Variants in MED22 observed in about 807,000 individuals in gnomAD.
The protein encoded by MED22 is mediator complex subunit 22, also known as mediator of RNA polymerase II transcription subunit 22.
MED22 carries 22 observed loss-of-function variants against 22.7 expected under a neutral mutation model. The ratio of observed to expected loss-of-function variants is 0.97; its 90% confidence interval spans 0.69 to 1.38. The LOEUF is 1.38. MED22 is among the 40% of genes most tolerant of loss of function. MED22 has a pLI of 0.00. For missense variants in MED22, 247 were observed against 263.0 expected (o/e 0.94, Z 0.42); for synonymous variants, 134 against 119.4 (o/e 1.12, Z -0.80).
At position 133,339,063 on chromosome 9, in the gene MED22, T is replaced by C; in HGVS notation, c.*2442A>G. ...AGGCCTTTCAGAAAACATGCAGTTG[T>C]TCCTTTGGCCAAGTATATGCAAATT... On this transcript the variant is annotated 3_prime_UTR_variant, in exon 5 of 5. Transcript: ENST00000343730. 1 of 698,464 alleles carries C rather than the reference T, an allele frequency of 1.4e-6. No individual in the cohort carries two copies. Among genetic ancestry groups the C allele is most frequent in the Non-Finnish European group, 2.6e-6 (1 of 379,022 alleles). 43.3% of individuals were successfully genotyped at this position (698,464 alleles called of 1,614,324 possible).
At chr9:133,343,407 C>T in intron 4 of MED22, 1 of 1,226,460 alleles carries the variant, frequency 8.2e-7, no homozygotes, top group South Asian at 4.2e-5. Flanking sequence ...TCTGATTTCT[C>T]AGGGCCCCTC....
chr9:133,347,751 G>A (rs1836234582), intron 1 of MED22, 171 bp downstream of exon 1: 1 of 163,402 alleles, frequency 6.1e-6, no homozygotes, highest in Admixed American at 6.3e-5. Flanking sequence ...ACGACCGAGC[G>A]GACTCCTGGA....
At position 133,341,574 on chromosome 9, in the gene MED22, A is replaced by C; in HGVS notation, c.534T>G (p.Ala178=). ...CAGGGGCTGCCACCTGTAGGGGGCC[A>C]GCACTGGGCTCCGGGGACGCCAGCA... The part of the protein sequence containing the change: ...APLLASPEPS[A]GPLQVAAPAH... Residue 178 remains alanine (A), a synonymous_variant, in exon 5 of 5, where the codon GCT becomes GCG. Transcript: ENST00000343730. 1 of 1,574,616 alleles carries C rather than the reference A, an allele frequency of 6.4e-7. No individual in the cohort carries two copies.
At chr9:133,343,419 A>T (rs1030276042) in intron 4 of MED22, 13 of 1,226,184 alleles carry the variant, frequency 1.1e-5, no homozygotes, top group Non-Finnish European at 1.3e-5. Flanking sequence ...GGGCCCCTCC[A>T]GCTCAAACGG....
intron 4 of MED22, chr9:133,343,395 ACT>A: frequency 8.1e-7 from 1 of 1,227,204 alleles, no homozygotes; most frequent in Non-Finnish European, 1.0e-6. Flanking sequence ...TGATACGTAG[ACT>A]CTGATTTCTC....
In MED22 at chr9:133,345,092, C is replaced by T. The variant is rs1836140543; in HGVS notation, c.204+80G>A. 7.2e-6 allele frequency: 10 copies of T among 1,391,062 alleles called. No homozygotes were observed. In the South Asian group the frequency reaches 1.0e-4, roughly 15 times the overall value. 86.2% of individuals were successfully genotyped at this position (1,391,062 alleles called of 1,614,324 possible). A position where few individuals can be genotyped will look rare whatever the true frequency, so the allele number is the denominator to read the frequency against. The stretch of plus-strand genomic sequence containing the variant: ...GAAGAAGACCAGACCAGCCCCAGAG[C>T]CCCCTCCACTCCACCCAGGAAACCT... On this transcript the variant is annotated intron_variant, in intron 3 of 4. Transcript: ENST00000343730.
At position 133,339,194 on chromosome 9, in the gene MED22, C is replaced by A; in HGVS notation, c.*2311G>T. 1.4e-6 allele frequency: 1 copy of A among 693,368 alleles called. No individual in the cohort carries two copies. The highest frequency in any genetic ancestry group is 2.9e-5 in the East Asian group (1 of 34,842). The allele number at this position is 693,368 out of a possible 1,614,324, so 43.0% of individuals were successfully genotyped here. ...GACTGGGAGAGTCTACAGTGTTCCC[C>A]AGCATGCTGTTGGCACTGTTGTAAA... On this transcript the variant is annotated 3_prime_UTR_variant, in exon 5 of 5. Coordinates refer to ENST00000343730, the MANE Select transcript of MED22 (RefSeq NM_133640.5).
At chr9:133,344,958 G>A (rs1836137804) in intron 3 of MED22, among the ~76,000 whole-genome samples, 1 of 152,098 alleles carries the variant, frequency 6.6e-6, no homozygotes, top group Non-Finnish European at 1.5e-5. Flanking sequence ...AGTGCCCCAC[G>A]TGAGGACAGT....
In MED22 at chr9:133,345,359, A is replaced by G. The variant is rs1057282379; in HGVS notation, c.124-107T>C. 5.7e-6 allele frequency: 6 copies of G among 1,056,060 alleles called. No homozygotes were observed. In the Admixed American group the frequency reaches 1.2e-4, roughly 21 times the overall value. 65.4% of individuals were successfully genotyped at this position (1,056,060 alleles called of 1,614,324 possible). A position where few individuals can be genotyped will look rare whatever the true frequency, so the allele number is the denominator to read the frequency against. ...ACTGTCATCTACCCAGGATGTCCAC[A>G]CTGGCCACAACCTGTCTGTGGTGCC... is the stretch of plus-strand genomic sequence containing the variant. On this transcript the variant is annotated intron_variant, in intron 2 of 4. Coordinates refer to ENST00000343730, the MANE Select transcript of MED22 (RefSeq NM_133640.5).
intron 2 of MED22, among the ~76,000 whole-genome samples, chr9:133,345,814 G>C (rs782633665): frequency 5.3e-5 from 8 of 152,140 alleles, no homozygotes; most frequent in Admixed American, 5.2e-4. Flanking sequence ...GGCTCAGTTC[G>C]GGGTGGGTGT....
At chr9:133,347,015 C>A in intron 1 of MED22, 1 of 225,682 alleles carries the variant, frequency 4.4e-6, no homozygotes, top group Non-Finnish European at 8.9e-6. Context: ...ACCAGCTCCC[C>A]GTCCCCAGCC....
chr9:133,344,136 A>G lies in MED22; in HGVS notation c.402T>C (p.Tyr134=). 6.2e-7 allele frequency: 1 copy of G among 1,614,088 alleles called. No individual in the cohort carries two copies. The highest frequency in any genetic ancestry group is 8.5e-7 in the Non-Finnish European group (1 of 1,180,000). ...SIDLYELEEE[Y]YSSSSSLCEA... ...AGCGCTATTTATACCTGGACGAGTA[A>G]TACTCCTCCTCCAGCTCGTAGAGGT... Residue 134 remains tyrosine, a synonymous_variant, in exon 4 of 5, where the codon TAT becomes TAC. Coordinates refer to ENST00000343730, the MANE Select transcript of MED22 (RefSeq NM_133640.5).
At position 133,341,550 on chromosome 9, in the gene MED22, A is replaced by G; in HGVS notation, c.558T>C (p.Pro186=). ...PSAGPLQVAA[P]AHSHAGGPGP... ...CAGGGCCACCAGCATGGGAGTGGGC[A>G]GGGGCTGCCACCTGTAGGGGGCCAG... The change falls in exon 5 of 5, where the codon CCT becomes CCC. Residue 186 remains proline, a synonymous_variant. Transcript: ENST00000343730. The G allele has an allele frequency of 6.4e-7, 1 of 1,552,880 alleles. No individual in the cohort carries two copies. The highest frequency in any genetic ancestry group is 8.6e-7 in the Non-Finnish European group (1 of 1,158,322).
At position 133,346,585 on chromosome 9, in the gene MED22, A is replaced by G. The variant is rs2129968901; in HGVS notation, c.78T>C (p.Ile26=). 4 of 1,612,394 alleles carry G rather than the reference A, an allele frequency of 2.5e-6. No individual in the cohort carries two copies. In the East Asian group the frequency reaches 8.9e-5, roughly 36 times the overall value. ...QSYNKRLKDD[I]KSIMDNFTEI... The stretch of plus-strand genomic sequence containing the variant: ...CGGTGAAGTTGTCCATGATGGACTT[A>G]ATGTCGTCCTTCAGCCGCTTGTTGT... The change falls in exon 2 of 5, where the codon ATT becomes ATC. Residue 26 remains isoleucine (I), a synonymous_variant. Transcript: ENST00000343730.
chr9:133,343,045 C>T (rs1435457985), intron 4 of MED22: 1 of 988,572 alleles, frequency 1.0e-6, no homozygotes, highest in Non-Finnish European at 1.2e-6. Context: ...GGAGGAAATG[C>T]TGCCTCATGT....
At chr9:133,342,011 G>A (rs1564338975) in intron 4 of MED22, 4 of 1,146,322 alleles carry the variant, frequency 3.5e-6, no homozygotes, top group Non-Finnish European at 4.3e-6. Context: ...CTCCCAGCTG[G>A]TGCTGGTCCC....
At chr9:133,344,379 C>A (rs2129961749) in intron 3 of MED22, 46 bp from the exon 4 acceptor site, 5 of 1,599,632 alleles carry the variant, frequency 3.1e-6, no homozygotes, top group South Asian at 2.2e-5. Flanking sequence ...GGGGGGACAG[C>A]GGCCTTGCCT....
intron 4 of MED22, chr9:133,342,696 A>G: frequency 1.0e-6 from 1 of 985,832 alleles, no homozygotes; most frequent in Non-Finnish European, 1.2e-6. Flanking sequence ...GAGGCCCCCC[A>G]GGGGGCGCTG....
At chr9:133,342,735 C>T in intron 4 of MED22, 4 of 986,054 alleles carry the variant, frequency 4.1e-6, no homozygotes, top group Non-Finnish European at 4.8e-6. Flanking sequence ...CGGGAGGGGA[C>T]ACAGGCTGGC....
Sources: allele counts gnomAD v4.1 joint callset (sites outside exome capture counted in the v4.1 genomes callset), GRCh38; gene constraint gnomAD v4.1.1; transcripts MANE v1.5; gene names NCBI Gene and HGNC (gene_info 2026-07-23, HGNC 2026-07-21).